Variants in TENM3 observed in about 807,000 individuals in gnomAD.
TENM3 encodes teneurin transmembrane protein 3, also known as teneurin-3.
TENM3 carries 63 observed loss-of-function variants against 255.1 expected under a neutral mutation model. That is an observed-to-expected ratio of 0.25 (90% confidence interval 0.20 to 0.30). TENM3 has a LOEUF of 0.30. Ranked by LOEUF, TENM3 falls within the 10% of genes least tolerant of loss-of-function variation. The pLI is 1.00. For missense variants in TENM3, 2,929 were observed against 3,461.1 expected (o/e 0.85, Z 3.86); for synonymous variants, 1,306 against 1,322.3 (o/e 0.99, Z 0.27).
intron 12 of TENM3, among the ~76,000 whole-genome samples, chr4:182,693,484 C>G (rs1479251946): frequency 1.3e-5 from 2 of 151,928 alleles, no homozygotes; most frequent in Admixed American, 1.3e-4. Flanking sequence ...TTACAGGCGC[C>G]CACCACCACA....
chr4:182,167,935 G>T (rs1002328020), intron 1 of TENM3, among the ~76,000 whole-genome samples: 1 of 152,044 alleles, frequency 6.6e-6, no homozygotes, highest in Non-Finnish European at 1.5e-5. Flanking sequence ...ATTGTTTTAT[G>T]ATACAGAATA....
intron 3 of TENM3, among the ~76,000 whole-genome samples, chr4:182,554,565 T>A (rs1580919681): frequency 1.3e-5 from 2 of 152,118 alleles, no homozygotes; most frequent in Admixed American, 6.6e-5. Context: ...TGTGTGCACG[T>A]ATGTGTGTGT....
At chr4:182,208,796 A>G (rs1754757864) in intron 1 of TENM3, among the ~76,000 whole-genome samples, 1 of 151,860 alleles carries the variant, frequency 6.6e-6, no homozygotes, top group Non-Finnish European at 1.5e-5. Flanking sequence ...CAGAGCCCAG[A>G]CTCCACCAGA....
the TENM3 span, among the ~76,000 whole-genome samples, chr4:181,703,732 C>T: frequency 6.6e-6 from 1 of 152,134 alleles, no homozygotes; most frequent in African/African-American, 2.4e-5. Context: ...AGCTAATTTT[C>T]GTTTTCCTCT....
At chr4:181,512,712 A>C in the TENM3 span, among the ~76,000 whole-genome samples, 1 of 152,174 alleles carries the variant, frequency 6.6e-6, no homozygotes, top group Non-Finnish European at 1.5e-5. Context: ...CGGCACCTAA[A>C]AGTGTTTTTA....
At chr4:181,952,490 G>A in the TENM3 span, among the ~76,000 whole-genome samples, 3 of 152,198 alleles carry the variant, frequency 2.0e-5, no homozygotes, top group Non-Finnish European at 4.4e-5. Flanking sequence ...TCCAGAGAGT[G>A]GGCTCTTCAC....
the TENM3 span, among the ~76,000 whole-genome samples, chr4:181,516,824 A>G: frequency 6.6e-6 from 1 of 152,138 alleles, no homozygotes; most frequent in Non-Finnish European, 1.5e-5. Flanking sequence ...ACTATGTGCC[A>G]GGTTGTATCC....
chr4:181,915,691 G>GGGAGGGGAGGAGAGAAAAGA, the TENM3 span, among the ~76,000 whole-genome samples: 1 of 148,780 alleles, frequency 6.7e-6, no homozygotes, highest in African/African-American at 2.5e-5. Flanking sequence ...AGGGGAAGGG[G>GGGAGGGGAGGAGAGAAAAGA]GGAGGGGAGG....
At chr4:181,708,324 G>A in the TENM3 span, among the ~76,000 whole-genome samples, 6 of 152,004 alleles carry the variant, frequency 3.9e-5, no homozygotes, top group South Asian at 2.1e-4. Flanking sequence ...AATAATTTAC[G>A]GACATAATTT....
intron 22 of TENM3, among the ~76,000 whole-genome samples, chr4:182,758,348 G>T (rs1235387572): frequency 6.6e-6 from 1 of 152,130 alleles, no homozygotes; most frequent in Non-Finnish European, 1.5e-5. Context: ...AAGGGTGGGG[G>T]GAGGTGTCAT....
the TENM3 span, among the ~76,000 whole-genome samples, chr4:181,563,519 A>T: frequency 6.6e-6 from 1 of 152,198 alleles, no homozygotes; most frequent in Non-Finnish European, 1.5e-5. Flanking sequence ...ATAAATGGGG[A>T]TGAAGAGAGG....
At chr4:182,680,434 G>GA (rs1756064375) in intron 9 of TENM3, 85 bp downstream of exon 9, 1 of 873,098 alleles carries the variant, frequency 1.1e-6, no homozygotes, top group Non-Finnish European at 1.8e-6. Flanking sequence ...AGACAGGAAA[G>GA]AAAGGGGGGG....
At chr4:182,481,808 C>G (rs10029844) in intron 3 of TENM3, among the ~76,000 whole-genome samples, 3 of 152,086 alleles carry the variant, frequency 2.0e-5, no homozygotes, top group Admixed American at 6.5e-5. Context: ...AAATCAATCA[C>G]TCACTCAATA....
intron 1 of TENM3, among the ~76,000 whole-genome samples, chr4:182,206,140 T>C (rs550276010): frequency 1.3e-5 from 2 of 152,086 alleles, no homozygotes; most frequent in African/African-American, 4.8e-5. Flanking sequence ...TCTGTGTAAG[T>C]GTTAAAAATG....
chr4:181,678,224 T>G, the TENM3 span, among the ~76,000 whole-genome samples: 2 of 152,102 alleles, frequency 1.3e-5, no homozygotes, highest in Admixed American at 6.6e-5. Context: ...CATTTTGAAT[T>G]GTAATAACTT....
At chr4:181,498,101 G>T in the TENM3 span, among the ~76,000 whole-genome samples, 6 of 151,968 alleles carry the variant, frequency 3.9e-5, no homozygotes, top group African/African-American at 1.2e-4. Context: ...AATTAATTCA[G>T]AGGTAGAAGC....
chr4:181,837,160 A>AT, the TENM3 span, among the ~76,000 whole-genome samples: 4 of 151,542 alleles, frequency 2.6e-5, no homozygotes, highest in Middle Eastern at 3.4e-3. Flanking sequence ...CTATCATATC[A>AT]TTTTTTTTAA....
chr4:181,648,005 G>A, the TENM3 span, among the ~76,000 whole-genome samples: 1 of 152,076 alleles, frequency 6.6e-6, no homozygotes, highest in South Asian at 2.1e-4. Flanking sequence ...CGCTCAACTC[G>A]ACTGCTTCAG....
chr4:181,811,527 C>T, the TENM3 span, among the ~76,000 whole-genome samples: 1 of 152,178 alleles, frequency 6.6e-6, no homozygotes, highest in Non-Finnish European at 1.5e-5. Flanking sequence ...TCTCATGCTG[C>T]TAATAAAGTC....
Sources: gnomAD v4.1 joint callset for allele counts (sites outside exome capture counted in the v4.1 genomes callset) on GRCh38, gnomAD v4.1.1 for gene constraint, MANE v1.5 for transcripts, NCBI Gene and HGNC (gene_info 2026-07-23, HGNC 2026-07-21) for gene names.